The following CHM variants were observed in gnomAD, a reference collection of about 807,000 sequenced individuals.
CHM encodes the protein CHM Rab escort protein, also known as rab proteins geranylgeranyltransferase component A 1.
A neutral mutation model predicts 49.0 loss-of-function variants in CHM; 10 were observed. That is an observed-to-expected ratio of 0.20 (90% CI 0.13 to 0.35). CHM has a LOEUF of 0.35. Ranked by LOEUF, CHM falls within the 10% of genes least tolerant of loss-of-function variation. The pLI is 1.00. For missense variants in CHM, 455 were observed against 478.4 expected (o/e 0.95, Z 0.46); for synonymous variants, 184 against 167.5 (o/e 1.10, Z -0.76).
intron 11 of CHM, among the ~76,000 whole-genome samples, chrX:85,897,177 A>C (rs1214746933): frequency 1.0e-5 from 1 of 97,992 alleles, no homozygotes; most frequent in African/African-American, 3.7e-5. Flanking sequence ...TATATATATT[A>C]TATATATACT....
At chrX:85,972,856 C>T (rs1180849678) in intron 4 of CHM, among the ~76,000 whole-genome samples, 6 of 112,357 alleles carry the variant, frequency 5.3e-5, no homozygotes, top group Non-Finnish European at 1.1e-4. Flanking sequence ...AAGTGGGAAC[C>T]CAGGCAGAGG....
intron 9 of CHM, among the ~76,000 whole-genome samples, chrX:85,903,259 A>G (rs1165362561): frequency 9.0e-6 from 1 of 111,570 alleles, no homozygotes; most frequent in Admixed American, 9.6e-5. Flanking sequence ...CCATGTCAGT[A>G]TAAGTTTGAA....
At chrX:85,981,206 C>CTATATATATATATA (rs1284378299) in intron 3 of CHM, among the ~76,000 whole-genome samples, 3 of 54,368 alleles carry the variant, frequency 5.5e-5, no homozygotes, top group African/African-American at 1.8e-4. Context: ...ATTTCTATTT[C>CTATATATATATATA]TATATATATA....
At chrX:85,864,917 C>T (rs1039600256) in intron 14 of CHM, 96 bp from the exon 15 acceptor site, 11 of 890,257 alleles carry the variant, frequency 1.2e-5, no homozygotes, top group Middle Eastern at 3.8e-4. Context: ...GTGTTTTATC[C>T]TTAAAAATTT....
At chrX:85,909,748 C>A (rs1258058801) in intron 9 of CHM, among the ~76,000 whole-genome samples, 1 of 111,918 alleles carries the variant, frequency 8.9e-6, no homozygotes, top group Admixed American at 9.5e-5. Context: ...AACAAACAAA[C>A]AAACAAACAT....
At position 86,010,236 on chromosome X, in the gene CHM, G is replaced by T. The variant is rs5967668; in HGVS notation, c.116+17255C>A. On this transcript the variant is annotated intron_variant, in intron 2 of 14. Transcript: ENST00000357749. ...GGGGGCTGGAGGAGGGATAGTGTTA[G>T]GAGAAATACCTAATGTAAATGATGA... Among the ~76,000 whole-genome samples, 712 of 90,654 alleles carry T rather than the reference G, an allele frequency of 7.9e-3. 9 individuals carry two copies. Among genetic ancestry groups the T allele is most frequent in the African/African-American group, 0.028 (674 of 24,461 alleles). 78.7% of individuals were successfully genotyped at this position (90,654 alleles called of 115,157 possible). A position where few individuals can be genotyped will look rare whatever the true frequency, so the allele number is the denominator to read the frequency against.
Position 85,970,280 on chromosome X carries a change from C to A in CHM, c.315-6228G>T, listed in dbSNP as rs549448240. The stretch of plus-strand genomic sequence containing the variant: ...CTCAACAACTAAAGAATATTGGATT[C>A]TTCCCATAGCTTCCTAACACTGGGA... On this transcript the variant is annotated intron_variant, in intron 4 of 14. Transcript: ENST00000357749. 4.0e-6 allele frequency: 3 copies of A among 750,994 alleles called. No individual in the cohort carries two copies. The East Asian group carries it at 4.6e-4, about 114-fold the overall frequency. The allele number at this position is 750,994 out of a possible 1,213,427, so 61.9% of individuals were successfully genotyped here.
intron 2 of CHM, among the ~76,000 whole-genome samples, chrX:86,002,454 A>C (rs748558321): frequency 1.8e-5 from 2 of 112,127 alleles, no homozygotes; most frequent in South Asian, 3.7e-4. Context: ...CCGAATAGGA[A>C]CACCTCTGGT....
intron 1 of CHM, among the ~76,000 whole-genome samples, chrX:86,038,386 C>T (rs936959246): frequency 9.0e-6 from 1 of 111,557 alleles, no homozygotes; most frequent in African/African-American, 3.3e-5. Context: ...CTCCTCCCCA[C>T]TTCGAGTTGT....
chrX:85,893,417 T>G (rs181732648), intron 12 of CHM, among the ~76,000 whole-genome samples: 1 of 112,043 alleles, frequency 8.9e-6, no homozygotes, highest in Non-Finnish European at 1.9e-5. Context: ...CATTGAAAAT[T>G]TATACATGAA....
chrX:86,006,526 C>G (rs1932858935), intron 2 of CHM, among the ~76,000 whole-genome samples: 1 of 111,880 alleles, frequency 8.9e-6, no homozygotes, highest in African/African-American at 3.3e-5. Flanking sequence ...ATCTTCTCAG[C>G]CCAAAATCTC....
chrX:85,882,907 C>T (rs918725573), intron 12 of CHM, among the ~76,000 whole-genome samples: 6 of 111,051 alleles, frequency 5.4e-5, no homozygotes, highest in Non-Finnish European at 1.1e-4. Context: ...CTCTCTATAT[C>T]TACTTGGCCA....
In CHM at chrX:86,026,106, T is replaced by C. The variant is rs199728171; in HGVS notation, c.116+1385A>G. Among the ~76,000 whole-genome samples the C allele has an allele frequency of 9.3e-5, 4 of 43,202 alleles. No individual in the cohort carries two copies. The East Asian group carries it at 2.5e-3, about 27-fold the overall frequency. 37.5% of individuals were successfully genotyped at this position (43,202 alleles called of 115,157 possible). A position where few individuals can be genotyped will look rare whatever the true frequency, so the allele number is the denominator to read the frequency against. ...GCTTTCAAGGTAGCAGATTTTCTTTTTTTTTTTTTTTTTTTTTTTTTTTTT... is the reference window on the plus strand; with the variant it reads ...GCTTTCAAGGTAGCAGATTTTCTTTCTTTTTTTTTTTTTTTTTTTTTTTTT... On this transcript the variant is annotated intron_variant, in intron 2 of 14. Coordinates refer to ENST00000357749, the MANE Select transcript of CHM (RefSeq NM_000390.4).
In CHM at chrX:85,863,256, T is replaced by C. The variant is rs1923476452; in HGVS notation, c.*1374A>G. 9.0e-6 allele frequency: 1 copy of C among 111,433 alleles called. No homozygotes were observed. The highest frequency in any genetic ancestry group is 1.9e-5 in the Non-Finnish European group (1 of 53,093). 9.2% of individuals were successfully genotyped at this position (111,433 alleles called of 1,213,427 possible). A position where few individuals can be genotyped will look rare whatever the true frequency, so the allele number is the denominator to read the frequency against. The stretch of plus-strand genomic sequence containing the variant: ...ACAGGTGCCCACCATAACACCCAGC[T>C]AAAATTTTGTATTTTTAGTAGAGAC... On this transcript the variant is annotated 3_prime_UTR_variant, in exon 15 of 15. Transcript: ENST00000357749.
chrX:85,868,542 C>T (rs772729448), intron 14 of CHM, among the ~76,000 whole-genome samples: 69 of 110,764 alleles, frequency 6.2e-4, no homozygotes, highest in Admixed American at 4.5e-3. Context: ...AAAAGTTCTC[C>T]CTCCCTTTTA....
At chrX:85,946,544 GT>G (rs1156882965) in intron 8 of CHM, among the ~76,000 whole-genome samples, 2 of 112,037 alleles carry the variant, frequency 1.8e-5, no homozygotes, top group African/African-American at 6.5e-5. Context: ...TCCATATTGT[GT>G]TAAGACTCCA....
At position 85,966,209 on chromosome X, in the gene CHM, C is replaced by T. The variant is rs570017973; in HGVS notation, c.315-2157G>A. 8.2e-5 allele frequency among the ~76,000 whole-genome samples: 9 copies of T among 109,136 alleles called. No homozygotes were observed. The South Asian group carries it at 3.6e-3, about 44-fold the overall frequency. The allele number at this position is 109,136 out of a possible 115,157, so 94.8% of individuals were successfully genotyped here. ...TACTAAAATGCAAAAATTAGCTGGG[C>T]GTGGTGATGGGCACCTGTAATCTCA... On this transcript the variant is annotated intron_variant, in intron 4 of 14. Coordinates refer to ENST00000357749, the MANE Select transcript of CHM (RefSeq NM_000390.4).
intron 12 of CHM, among the ~76,000 whole-genome samples, chrX:85,879,897 G>T (rs1379437216): frequency 1.8e-5 from 2 of 109,132 alleles, no homozygotes; most frequent in African/African-American, 6.7e-5. Flanking sequence ...ATATTAGTAG[G>T]GGGAGAAAGA....
In CHM at chrX:85,983,151, A is replaced by T. The variant is rs1350814797; in HGVS notation, c.117-1342T>A. 3.6e-5 allele frequency among the ~76,000 whole-genome samples: 4 copies of T among 111,251 alleles called. No individual in the cohort carries two copies. In the East Asian group the frequency reaches 1.1e-3, roughly 32 times the overall value. On this transcript the variant is annotated intron_variant, in intron 2 of 14. Transcript: ENST00000357749. ...ATACTGCTTTTCTCTAACAGAGAAA[A>T]GGGTTAAATAAAATGCCTGTGAAAG...
Sources: allele counts gnomAD v4.1 joint callset (sites outside exome capture counted in the v4.1 genomes callset), GRCh38; gene constraint gnomAD v4.1.1; transcripts MANE v1.5; gene names NCBI Gene and HGNC (gene_info 2026-07-23, HGNC 2026-07-21).